ITGBL1: variants seen among roughly 807,000 people sequenced by gnomAD.
The protein encoded by ITGBL1 is integrin beta-like protein 1.
ITGBL1 carries 51 observed loss-of-function variants against 68.5 expected under a neutral mutation model. The ratio of observed to expected loss-of-function variants is 0.74; its 90% CI spans 0.59 to 0.94. The LOEUF is 0.94. Ranked by LOEUF, ITGBL1 falls within the 40% of genes least tolerant of loss-of-function variation. ITGBL1 has a pLI of 0.00. For synonymous variants in ITGBL1, 209 were observed against 227.3 expected, an observed-to-expected ratio of 0.92 and a Z score of 0.72; for missense variants, 649 against 647.4, an observed-to-expected ratio of 1.00 and a Z score of -0.03.
intron 3 of ITGBL1, among the ~76,000 whole-genome samples, chr13:101,574,592 G>A (rs954158563): frequency 2.6e-5 from 4 of 152,120 alleles, no homozygotes; most frequent in African/African-American, 9.7e-5. Flanking sequence ...TCAAGTCTCA[G>A]TTGATACATG....
intron 2 of ITGBL1, among the ~76,000 whole-genome samples, chr13:101,464,529 C>A (rs1057054395): frequency 1.2e-4 from 18 of 151,436 alleles, no homozygotes; most frequent in Admixed American, 2.0e-4. Context: ...CTCTCTCTCT[C>A]TCTATATATA....
chr13:101,651,888 T>C (rs965127745), intron 7 of ITGBL1, among the ~76,000 whole-genome samples: 3 of 152,154 alleles, frequency 2.0e-5, no homozygotes, highest in African/African-American at 7.2e-5. Context: ...TTTCTGCGTA[T>C]GGCTAGCCAA....
At chr13:101,593,690 A>G (rs1317884048) in intron 6 of ITGBL1, among the ~76,000 whole-genome samples, 1 of 152,104 alleles carries the variant, frequency 6.6e-6, no homozygotes, top group Non-Finnish European at 1.5e-5. Context: ...AACCTAAAAA[A>G]TTGGAATCTA....
intron 6 of ITGBL1, among the ~76,000 whole-genome samples, chr13:101,592,674 G>C (rs1331154273): frequency 4.6e-5 from 7 of 151,900 alleles, no homozygotes; most frequent in Non-Finnish European, 8.8e-5. Context: ...ACACACATTG[G>C]AAAAAAGATA....
intron 2 of ITGBL1, among the ~76,000 whole-genome samples, chr13:101,512,269 G>A (rs926297547): frequency 2.6e-5 from 4 of 151,700 alleles, no homozygotes; most frequent in Non-Finnish European, 4.4e-5. Context: ...CTCACTTCTC[G>A]CTTATTTCTA....
chr13:101,508,729 TTTTA>T (rs1424958746), intron 2 of ITGBL1, among the ~76,000 whole-genome samples: 4 of 152,162 alleles, frequency 2.6e-5, no homozygotes, highest in Non-Finnish European at 4.4e-5. Flanking sequence ...TCAATTGATT[TTTTA>T]TTTGTGATTT....
At chr13:101,635,693 TA>T (rs1566768131) in intron 7 of ITGBL1, among the ~76,000 whole-genome samples, 1 of 152,068 alleles carries the variant, frequency 6.6e-6, no homozygotes, top group Non-Finnish European at 1.5e-5. Flanking sequence ...CTTTGTGTAT[TA>T]GAATTCACTC....
Position 101,707,433 on chromosome 13 carries a change from GGAAA to G in ITGBL1, c.1279+536_1279+539del, listed in dbSNP as rs527384843. On this transcript the variant is annotated intron_variant, in intron 9 of 10. Transcript: ENST00000376180. ...TAATTTAGTTTAATTTTTTTAAAAAGGAAAGAAAAGCTATGGGGGAGGGGTAGTA... is the reference window on the plus strand; with the variant it reads ...TAATTTAGTTTAATTTTTTTAAAAAGGAAAAGCTATGGGGGAGGGGTAGTA... Among the ~76,000 whole-genome samples, 111 of 152,230 alleles carry G rather than the reference GGAAA, an allele frequency of 7.3e-4. 1 individual carries two copies. Among genetic ancestry groups the G allele is most frequent in the African/African-American group, 2.5e-3 (105 of 41,550 alleles).
chr13:101,619,533 CT>C (rs776389668), intron 7 of ITGBL1, among the ~76,000 whole-genome samples: 165 of 152,268 alleles, frequency 1.1e-3, no homozygotes, highest in Non-Finnish European at 1.4e-3. Context: ...GGAATGTAGT[CT>C]TGACGACACC....
intron 2 of ITGBL1, among the ~76,000 whole-genome samples, chr13:101,471,503 A>AAT (rs1179551204): frequency 2.2e-5 from 3 of 137,106 alleles, no homozygotes; most frequent in South Asian, 2.4e-4. Context: ...AGGCAACACA[A>AAT]ATATATATGT....
At chr13:101,662,274 G>A (rs1337818896) in intron 7 of ITGBL1, among the ~76,000 whole-genome samples, 1 of 152,078 alleles carries the variant, frequency 6.6e-6, no homozygotes, top group Non-Finnish European at 1.5e-5. Context: ...TTGACAATTA[G>A]CATTTACACG....
chr13:101,514,572 GA>G (rs2049166057), intron 2 of ITGBL1, among the ~76,000 whole-genome samples: 1 of 151,918 alleles, frequency 6.6e-6, no homozygotes, highest in Admixed American at 6.6e-5. Flanking sequence ...CAAATGATGA[GA>G]AATATAAAAA....
At chr13:101,496,968 G>A (rs2048866007) in intron 2 of ITGBL1, among the ~76,000 whole-genome samples, 1 of 152,198 alleles carries the variant, frequency 6.6e-6, no homozygotes. Context: ...TATCAGGCAT[G>A]TAGATCATAG....
rs149957163 is a variant in ITGBL1, at chr13:101,518,811, C to T, written c.317-48888C>T. Among the ~76,000 whole-genome samples, 80 of 152,082 alleles carry T rather than the reference C, an allele frequency of 5.3e-4. 1 individual carries two copies. The East Asian group carries it at 0.015, about 29-fold the overall frequency. ...GGAGACCATATTAGTACATTGTAAA[C>T]ACTGTCTTGCTTAATCCAATAATCT... On this transcript the variant is annotated intron_variant, in intron 2 of 10. Transcript: ENST00000376180.
chr13:101,593,487 C>T (rs1302909416), intron 6 of ITGBL1, among the ~76,000 whole-genome samples: 2 of 151,796 alleles, frequency 1.3e-5, no homozygotes, highest in Non-Finnish European at 2.9e-5. Context: ...TATTGCAGCA[C>T]TATTTACAGT....
chr13:101,567,597 T>C, intron 2 of ITGBL1, 102 bp from the exon 3 acceptor site: 2 of 1,072,886 alleles, frequency 1.9e-6, no homozygotes, highest in East Asian at 5.0e-5. Context: ...CAATTTATTA[T>C]AGCTCAGTCC....
intron 5 of ITGBL1, among the ~76,000 whole-genome samples, chr13:101,581,515 GA>G (rs1220543334): frequency 6.6e-6 from 1 of 151,358 alleles, no homozygotes; most frequent in African/African-American, 2.4e-5. Flanking sequence ...TCTTATTAAA[GA>G]AAAAAAATCA....
chr13:101,706,250 C>T (rs1226363471), intron 8 of ITGBL1, among the ~76,000 whole-genome samples: 1 of 152,154 alleles, frequency 6.6e-6, no homozygotes, highest in Non-Finnish European at 1.5e-5. Flanking sequence ...CCACTTGTAT[C>T]TGTTGTTATT....
chr13:101,567,146 A>T (rs890756289), intron 2 of ITGBL1, among the ~76,000 whole-genome samples: 1 of 152,182 alleles, frequency 6.6e-6, no homozygotes, highest in Non-Finnish European at 1.5e-5. Context: ...TGAGAAATTT[A>T]TGTGGAGGCA....
Sources: gnomAD v4.1 joint callset for allele counts (sites outside exome capture counted in the v4.1 genomes callset) on GRCh38, gnomAD v4.1.1 for gene constraint, MANE v1.5 for transcripts, NCBI Gene and HGNC (gene_info 2026-07-23, HGNC 2026-07-21) for gene names.